Variants in GAB3 observed in about 807,000 individuals in gnomAD.
GAB3 encodes GRB2 associated binding protein 3.
A neutral mutation model predicts 40.4 loss-of-function variants in GAB3; 12 were observed. That is an observed-to-expected ratio of 0.30 (90% CI 0.19 to 0.48). The LOEUF (loss-of-function observed/expected upper bound fraction) is 0.48. GAB3 is among the 20% of genes least tolerant of loss of function. GAB3 has a pLI of 0.99. For synonymous variants in GAB3, 154 were observed against 176.7 expected, an observed-to-expected ratio of 0.87 and a Z score of 1.02; for missense variants, 381 against 461.9, an observed-to-expected ratio of 0.82 and a Z score of 1.61.
chrX:154,728,128 G>A (rs183591262), intron 1 of GAB3, among the ~76,000 whole-genome samples: 46 of 111,555 alleles, frequency 4.1e-4, no homozygotes, highest in Non-Finnish European at 7.7e-4. Context: ...CTCTGCGGTG[G>A]TGAAATCCCA....
chrX:154,723,295 A>T (rs12851266), intron 1 of GAB3, among the ~76,000 whole-genome samples: 2 of 112,429 alleles, frequency 1.8e-5, no homozygotes, highest in Non-Finnish European at 3.8e-5. Flanking sequence ...GACACTGTGC[A>T]TGTAAAGAAA....
At chrX:154,736,403 G>A (rs782272218) in intron 1 of GAB3, among the ~76,000 whole-genome samples, 29 of 112,258 alleles carry the variant, frequency 2.6e-4, no homozygotes, top group African/African-American at 8.4e-4. Flanking sequence ...AACCAGATAC[G>A]ATTTTCCTCC....
At chrX:154,704,134 A>G (rs2070774451) in intron 4 of GAB3, among the ~76,000 whole-genome samples, 1 of 111,630 alleles carries the variant, frequency 9.0e-6, no homozygotes, top group Admixed American at 9.5e-5. Context: ...TAAGTGAAAG[A>G]AGCCAGGTAC....
chrX:154,707,066 C>A (rs1362829256), intron 4 of GAB3, among the ~76,000 whole-genome samples: 1 of 111,347 alleles, frequency 9.0e-6, no homozygotes, highest in Non-Finnish European at 1.9e-5. Flanking sequence ...AATAGAGAAC[C>A]CAGAAATAAA....
intron 1 of GAB3, among the ~76,000 whole-genome samples, chrX:154,735,448 C>T (rs782558597): frequency 1.8e-4 from 20 of 112,069 alleles, no homozygotes; most frequent in African/African-American, 6.2e-4. Context: ...AGACATCTTC[C>T]CAGAATGGAG....
chrX:154,696,148 G>A, intron 7 of GAB3, 129 bp from the exon 8 acceptor site: 1 of 376,508 alleles, frequency 2.7e-6, no homozygotes, highest in Non-Finnish European at 4.7e-6. Context: ...TCCGGCCAAA[G>A]CAATTCCTGA....
chrX:154,705,303 T>C (rs1261045252), intron 4 of GAB3, among the ~76,000 whole-genome samples: 1 of 111,870 alleles, frequency 8.9e-6, no homozygotes, highest in Non-Finnish European at 1.9e-5. Flanking sequence ...CATTTCCCTA[T>C]GTAACAAACC....
intron 4 of GAB3, among the ~76,000 whole-genome samples, chrX:154,711,997 C>A: frequency 8.9e-6 from 1 of 112,269 alleles, no homozygotes; most frequent in Non-Finnish European, 1.9e-5. Flanking sequence ...AGGGTATATG[C>A]TTCCACCAAG....
intron 1 of GAB3, among the ~76,000 whole-genome samples, chrX:154,718,628 T>A (rs1309802952): frequency 9.0e-6 from 1 of 110,735 alleles, no homozygotes; most frequent in Non-Finnish European, 1.9e-5. Context: ...GGTTTGAAAG[T>A]GGGAAACCTG....
At chrX:154,718,884 C>T (rs1019775965) in intron 1 of GAB3, among the ~76,000 whole-genome samples, 2 of 112,028 alleles carry the variant, frequency 1.8e-5, no homozygotes, top group Non-Finnish European at 3.8e-5. Context: ...TCACATTAAC[C>T]GCTCTTAGTG....
At position 154,712,413 on chromosome X, in the gene GAB3, G is replaced by A; in HGVS notation, c.885C>T (p.Pro295=). 8.3e-7 allele frequency: 1 copy of A among 1,211,653 alleles called. No homozygotes were observed. The highest frequency in any genetic ancestry group is 2.2e-5 in the Admixed American group (1 of 46,046). Residue 295 remains proline, a synonymous_variant, in exon 4 of 10, where the codon CCC becomes CCT. Coordinates refer to ENST00000424127, the MANE Select transcript of GAB3 (RefSeq NM_001081573.3). The stretch of plus-strand genomic sequence containing the variant: ...TAATGTCTAGTTCTTTTGCTCCACA[G>A]GGTAAGGAACCTTGATTTTTATCTA... The part of the protein sequence containing the change: ...IQVDKNQGSL[P]CGAKELDIMS...
intron 1 of GAB3, among the ~76,000 whole-genome samples, chrX:154,750,320 C>T (rs782550888): frequency 8.9e-6 from 1 of 112,380 alleles, no homozygotes; most frequent in South Asian, 3.7e-4. Context: ...TAGGAAGATT[C>T]GCTCTTCCAA....
upstream of GAB3, chrX:154,751,093 A>C (rs2071609381): frequency 2.6e-6 from 2 of 757,493 alleles, no homozygotes; most frequent in Non-Finnish European, 3.1e-6. Context: ...CGGGCCAAGG[A>C]TGCCGGCGGG....
In GAB3 at chrX:154,743,997, C is replaced by T. The variant is rs782694339; in HGVS notation, c.72+6957G>A. ...TTGGGAGGCCAAGACAGGCGGATCA[C>T]GAGGTCAAGAGATCGAGATCATCCT... is the stretch of plus-strand genomic sequence containing the variant. On this transcript the variant is annotated intron_variant, in intron 1 of 9. Coordinates refer to ENST00000424127, the MANE Select transcript of GAB3 (RefSeq NM_001081573.3). Among the ~76,000 whole-genome samples the T allele has an allele frequency of 3.0e-4, 33 of 110,456 alleles. No homozygotes were observed. In the Admixed American group the frequency reaches 3.0e-3, roughly 10 times the overall value.
At chrX:154,718,424 T>G (rs2071079310) in intron 1 of GAB3, among the ~76,000 whole-genome samples, 1 of 110,819 alleles carries the variant, frequency 9.0e-6, no homozygotes, top group African/African-American at 3.3e-5. Context: ...GGAGACCATC[T>G]CAGGAGACAA....
chrX:154,696,784 T>C (rs1286508519), intron 7 of GAB3, among the ~76,000 whole-genome samples: 1 of 112,336 alleles, frequency 8.9e-6, no homozygotes, highest in Non-Finnish European at 1.9e-5. Flanking sequence ...AGTTGTAGCA[T>C]GCAAACAAGT....
rs141759330 is a variant in GAB3, at chrX:154,712,420, G to A, written c.878C>T (p.Ser293Phe). 1.9e-4 allele frequency: 233 copies of A among 1,209,797 alleles called. 1 individual carries two copies. The Admixed American group carries it at 2.0e-3, about 10-fold the overall frequency. ...STIQVDKNQG[S>F]LPCGAKELDI... ...TAGTTCTTTTGCTCCACAGGGTAAGGAACCTTGATTTTTATCTACCTGAAT... is the reference window on the plus strand; with the variant it reads ...TAGTTCTTTTGCTCCACAGGGTAAGAAACCTTGATTTTTATCTACCTGAAT... The change falls in exon 4 of 10, where the codon TCC becomes TTC. Residue 293 changes from serine (S) to phenylalanine (F), a missense_variant. This residue lies in a region of GAB3 where 364 missense variants were observed against 421.0 expected (regional missense o/e 0.86). Coordinates refer to ENST00000424127, the MANE Select transcript of GAB3 (RefSeq NM_001081573.3).
At position 154,738,765 on chromosome X, in the gene GAB3, C is replaced by T. The variant is rs782263386; in HGVS notation, c.72+12189G>A. 3.6e-5 allele frequency among the ~76,000 whole-genome samples: 4 copies of T among 112,144 alleles called. No homozygotes were observed. In the East Asian group the frequency reaches 8.3e-4, roughly 23 times the overall value. On this transcript the variant is annotated intron_variant, in intron 1 of 9. Coordinates refer to ENST00000424127, the MANE Select transcript of GAB3 (RefSeq NM_001081573.3). ...TTCACATTATTACCCTGGACTAAGTCGCCTTGCCTAGGAAAGATTTTTTTA... is the reference window on the plus strand; with the variant it reads ...TTCACATTATTACCCTGGACTAAGTTGCCTTGCCTAGGAAAGATTTTTTTA...
At position 154,689,676 on chromosome X, in the gene GAB3, A is replaced by C. The variant is rs190942704; in HGVS notation, c.1530+6241T>G. 3.4e-4 allele frequency among the ~76,000 whole-genome samples: 38 copies of C among 111,417 alleles called. No homozygotes were observed. In the East Asian group the frequency reaches 9.3e-3, roughly 27 times the overall value. On this transcript the variant is annotated intron_variant, in intron 8 of 9. Transcript: ENST00000424127. ...GAACTCCCATTCACAACTGCTTCAA[A>C]GAGAATAAAATACCTAGGAATCCAA...
Sources: gnomAD v4.1 joint callset for allele counts (sites outside exome capture counted in the v4.1 genomes callset) on GRCh38, gnomAD v4.1.1 for gene constraint, gnomAD v4.1.1 regional missense constraint, MANE v1.5 for transcripts, NCBI Gene and HGNC (gene_info 2026-07-23, HGNC 2026-07-21) for gene names.